Variants in FCHSD2 observed in about 807,000 individuals in gnomAD.
FCHSD2 encodes F-BAR and double SH3 domains protein 2.
Under a neutral mutation model 108.1 loss-of-function variants are expected in FCHSD2, and 38 were observed. That is an observed-to-expected ratio of 0.35 (90% CI 0.27 to 0.46). The LOEUF (loss-of-function observed/expected upper bound fraction) is 0.46. FCHSD2 is among the 20% of genes least tolerant of loss of function. The probability of loss-of-function intolerance (pLI) is 1.00; values close to 1 mark genes in which losing one functional copy is unlikely to be tolerated. For missense variants in FCHSD2, 751 were observed against 897.8 expected (o/e 0.84, Z 2.09); for synonymous variants, 279 against 314.7 (o/e 0.89, Z 1.20).
intron 3 of FCHSD2, among the ~76,000 whole-genome samples, chr11:73,047,827 A>C (rs751325182): frequency 6.6e-6 from 1 of 152,194 alleles, no homozygotes; most frequent in Non-Finnish European, 1.5e-5. Context: ...ATATTTGCTA[A>C]TGACTGTATA....
chr11:72,961,815 A>C, intron 8 of FCHSD2, among the ~76,000 whole-genome samples: 1 of 152,248 alleles, frequency 6.6e-6, no homozygotes, highest in East Asian at 1.9e-4. Context: ...TATAAATTGC[A>C]AAGGTGAGTC....
At chr11:72,850,402 G>C (rs780783595) in intron 13 of FCHSD2, among the ~76,000 whole-genome samples, 1 of 150,342 alleles carries the variant, frequency 6.7e-6, no homozygotes, top group Non-Finnish European at 1.5e-5. Flanking sequence ...TTTTGAGACG[G>C]AGTCTCGCTC....
chr11:73,008,944 C>G (rs1857800942), intron 4 of FCHSD2, among the ~76,000 whole-genome samples: 1 of 149,252 alleles, frequency 6.7e-6, no homozygotes, highest in African/African-American at 2.5e-5. Context: ...GATTTAAAGA[C>G]AAGAATATAA....
intron 8 of FCHSD2, among the ~76,000 whole-genome samples, chr11:72,922,486 G>A (rs2135312125): frequency 6.6e-6 from 1 of 152,156 alleles, no homozygotes; most frequent in Admixed American, 6.5e-5. Flanking sequence ...TATCTATGAA[G>A]GGTTGGAAAC....
Position 72,849,754 on chromosome 11 carries a change from C to T in FCHSD2, c.1443+1G>A. 1.9e-6 allele frequency: 3 copies of T among 1,608,134 alleles called. No individual in the cohort carries two copies. Among genetic ancestry groups the T allele is most frequent in the Non-Finnish European group, 2.6e-6 (3 of 1,175,576 alleles). On this transcript the variant is annotated splice_donor_variant, in intron 14 of 19. Coordinates refer to ENST00000409418, the MANE Select transcript of FCHSD2 (RefSeq NM_014824.3). LOFTEE classifies it high-confidence loss of function. ...TAACATTATGTTGGAGAAATACAAA[C>T]CTTGTAGGAATAAACAACTTTGCAG...
intron 8 of FCHSD2, among the ~76,000 whole-genome samples, chr11:72,945,672 G>C (rs1038125522): frequency 5.3e-5 from 8 of 152,044 alleles, no homozygotes; most frequent in African/African-American, 1.9e-4. Flanking sequence ...CTAATATCTA[G>C]AATCTACAAT....
At chr11:72,855,457 CAG>C (rs1491452932) in intron 13 of FCHSD2, among the ~76,000 whole-genome samples, 4 of 151,884 alleles carry the variant, frequency 2.6e-5, no homozygotes, top group African/African-American at 9.7e-5. Flanking sequence ...GCCTGGGTGA[CAG>C]AGTGAGACTC....
intron 3 of FCHSD2, among the ~76,000 whole-genome samples, chr11:73,035,653 C>G (rs905757237): frequency 6.6e-6 from 1 of 151,768 alleles, no homozygotes; most frequent in Non-Finnish European, 1.5e-5. Context: ...CTACAATATG[C>G]CAAATGCTAT....
intron 2 of FCHSD2, among the ~76,000 whole-genome samples, chr11:73,126,814 G>GCC (rs1860870076): frequency 6.6e-6 from 1 of 152,108 alleles, no homozygotes; most frequent in Non-Finnish European, 1.5e-5. Context: ...AAGGCAGGTG[G>GCC]ATCACTTGAG....
At chr11:72,947,974 C>CATCG (rs1856549719) in intron 8 of FCHSD2, among the ~76,000 whole-genome samples, 2 of 152,130 alleles carry the variant, frequency 1.3e-5, no homozygotes, top group African/African-American at 4.8e-5. Flanking sequence ...ATTTTTATGA[C>CATCG]ATCGTTTGGG....
chr11:72,996,642 A>C (rs1405658116), intron 5 of FCHSD2, among the ~76,000 whole-genome samples: 3 of 152,190 alleles, frequency 2.0e-5, no homozygotes, highest in Non-Finnish European at 2.9e-5. Flanking sequence ...AAAATAGTCA[A>C]ATTAGAGAAA....
At chr11:72,909,822 G>A (rs1225855441) in intron 9 of FCHSD2, among the ~76,000 whole-genome samples, 2 of 150,554 alleles carry the variant, frequency 1.3e-5, no homozygotes, top group East Asian at 4.0e-4. Flanking sequence ...GAAGTGAGGA[G>A]CACCTCTGCC....
At chr11:72,932,888 C>CA (rs1046938979) in intron 8 of FCHSD2, among the ~76,000 whole-genome samples, 13 of 152,048 alleles carry the variant, frequency 8.5e-5, no homozygotes, top group Admixed American at 6.5e-4. Flanking sequence ...CGCATGATTA[C>CA]AAAAAATGAA....
chr11:73,036,649 A>C (rs899082855), intron 3 of FCHSD2, among the ~76,000 whole-genome samples: 3 of 152,190 alleles, frequency 2.0e-5, no homozygotes, highest in Non-Finnish European at 4.4e-5. Context: ...TTTTAGTTCT[A>C]CTTTGGGTAT....
At chr11:72,930,853 T>C (rs552311424) in intron 8 of FCHSD2, among the ~76,000 whole-genome samples, 1 of 152,190 alleles carries the variant, frequency 6.6e-6, no homozygotes, top group South Asian at 2.1e-4. Flanking sequence ...TACAAAAAAA[T>C]AGAATAAGAC....
At chr11:72,957,444 T>C (rs1033914691) in intron 8 of FCHSD2, among the ~76,000 whole-genome samples, 4 of 151,114 alleles carry the variant, frequency 2.6e-5, no homozygotes, top group African/African-American at 4.9e-5. Flanking sequence ...TGTTGGACAT[T>C]TGGGTTGGTT....
chr11:73,130,552 G>T (rs1019851861), intron 2 of FCHSD2, among the ~76,000 whole-genome samples: 1 of 152,198 alleles, frequency 6.6e-6, no homozygotes, highest in Non-Finnish European at 1.5e-5. Flanking sequence ...ATTCAGAAAA[G>T]AATCTTTAAA....
At chr11:73,119,366 G>A (rs1232521749) in intron 2 of FCHSD2, among the ~76,000 whole-genome samples, 1 of 151,752 alleles carries the variant, frequency 6.6e-6, no homozygotes, top group East Asian at 1.9e-4. Context: ...TATGTAACTA[G>A]TGTATTAATC....
At chr11:73,110,394 GA>G (rs1860455063) in intron 2 of FCHSD2, among the ~76,000 whole-genome samples, 1 of 152,050 alleles carries the variant, frequency 6.6e-6, no homozygotes, top group East Asian at 1.9e-4. Context: ...TCAGGTTTTG[GA>G]TTTCTTCAAG....
Sources: allele counts gnomAD v4.1 joint callset (sites outside exome capture counted in the v4.1 genomes callset), GRCh38; gene constraint gnomAD v4.1.1; transcripts MANE v1.5; gene names NCBI Gene and HGNC (gene_info 2026-07-23, HGNC 2026-07-21).